ZNF516: variants seen among roughly 807,000 people sequenced by gnomAD.
The protein encoded by ZNF516 is zinc finger protein 516.
Under a neutral mutation model 79.7 loss-of-function variants are expected in ZNF516, and 19 were observed. The observed-to-expected ratio is 0.24, with a 90% confidence interval of 0.17 to 0.35. The LOEUF is 0.35. Ranked by LOEUF, ZNF516 falls within the 10% of genes least tolerant of loss-of-function variation. The pLI, the probability that ZNF516 is intolerant of heterozygous loss-of-function variation, is 1.00. For missense variants in ZNF516, 1,678 were observed against 1,679.5 expected (o/e 1.00, Z 0.02); for synonymous variants, 877 against 739.5 (o/e 1.19, Z -3.02).
chr18:76,496,302 TCTC>T (rs1366418795), upstream of ZNF516: 2 of 1,288,804 alleles, frequency 1.6e-6, no homozygotes, highest in African/African-American at 1.5e-5. Context: ...TTGTTCTCCT[TCTC>T]CTCGTGATAA....
chr18:76,391,837 G>A (rs563650508), intron 3 of ZNF516, among the ~76,000 whole-genome samples: 1 of 152,250 alleles, frequency 6.6e-6, no homozygotes, highest in Non-Finnish European at 1.5e-5. Flanking sequence ...TAAGGCTGTT[G>A]TCTCAGCCTC....
chr18:76,462,482 G>C (rs191531222), intron 2 of ZNF516, among the ~76,000 whole-genome samples: 63 of 152,312 alleles, frequency 4.1e-4, no homozygotes, highest in African/African-American at 1.5e-3. Context: ...AGACCTGCCT[G>C]GTAACAACCG....
intron 1 of ZNF516, among the ~76,000 whole-genome samples, chr18:76,476,919 A>G (rs1434956129): frequency 6.6e-6 from 1 of 152,182 alleles, no homozygotes; most frequent in Non-Finnish European, 1.5e-5. Context: ...GAACCCACAG[A>G]TGAAATTGCA....
At chr18:76,491,752 C>G (rs1915239697) in intron 1 of ZNF516, 1 of 152,270 alleles carries the variant, frequency 6.6e-6, no homozygotes, top group Admixed American at 6.6e-5. Flanking sequence ...CCCCCGGCCC[C>G]TGGCCGCGCG....
chr18:76,495,803 C>T (rs1915460618), upstream of ZNF516: 5 of 1,083,026 alleles, frequency 4.6e-6, 1 homozygote, highest in South Asian at 9.1e-5. Context: ...GTGCATTACA[C>T]ACGGCGTAGC....
intron 3 of ZNF516, among the ~76,000 whole-genome samples, chr18:76,417,137 A>G (rs1240828252): frequency 1.3e-5 from 2 of 152,222 alleles, no homozygotes; most frequent in Non-Finnish European, 2.9e-5. Flanking sequence ...GGTCTCAGTG[A>G]GATGCCTTTG....
At position 76,385,494 on chromosome 18, in the gene ZNF516, A is replaced by G. The variant is rs1297476389; in HGVS notation, c.1811-5191T>C. On this transcript the variant is annotated intron_variant, in intron 3 of 6. Transcript: ENST00000443185. Reference sequence around the variant, plus strand: ...TACTGTAGTAAAATATACATAACAAAAAAGTCTGCAGCCACGCAGCCACGC... The same window carrying G: ...TACTGTAGTAAAATATACATAACAAGAAAGTCTGCAGCCACGCAGCCACGC... 3.3e-5 allele frequency: 5 copies of G among 152,178 alleles called. No homozygotes were observed. The East Asian group carries it at 9.6e-4, about 29-fold the overall frequency. The allele number at this position is 152,178 out of a possible 1,614,324, so 9.4% of individuals were successfully genotyped here.
chr18:76,392,501 CAGGTGGGAAGGT>C (rs1315769422), intron 3 of ZNF516, among the ~76,000 whole-genome samples: 1 of 134,456 alleles, frequency 7.4e-6, no homozygotes, highest in African/African-American at 3.0e-5. Context: ...GCTGGGAAGG[CAGGTGGGAAGGT>C]AGGTGGCCAG....
At chr18:76,425,685 G>A (rs961532817) in intron 3 of ZNF516, among the ~76,000 whole-genome samples, 4 of 152,198 alleles carry the variant, frequency 2.6e-5, no homozygotes, top group African/African-American at 9.7e-5. Flanking sequence ...CCCCGTGGTC[G>A]GAGCTGTGTC....
intron 3 of ZNF516, among the ~76,000 whole-genome samples, chr18:76,402,008 CGTTT>C (rs769215438): frequency 4.0e-5 from 6 of 149,074 alleles, no homozygotes; most frequent in Admixed American, 6.6e-5. Context: ...CGTGTGTACA[CGTTT>C]GTGTGTACAC....
At chr18:76,478,075 G>T (rs1273054355) in intron 1 of ZNF516, among the ~76,000 whole-genome samples, 1 of 151,868 alleles carries the variant, frequency 6.6e-6, no homozygotes, top group Non-Finnish European at 1.5e-5. Context: ...AACTTAAAGT[G>T]TTTTTGTAAA....
chr18:76,469,075 A>T (rs689834), intron 1 of ZNF516, among the ~76,000 whole-genome samples: 151,598 of 152,352 alleles, frequency 1, 75,431 homozygotes, highest in Non-Finnish European at 1. Context: ...ATAGTTTTGG[A>T]TTTTGTAATG....
At chr18:76,370,652 T>A in intron 5 of ZNF516, 57 bp from the exon 6 acceptor site, 1 of 1,443,816 alleles carries the variant, frequency 6.9e-7, no homozygotes, top group Non-Finnish European at 9.4e-7. Flanking sequence ...GACGTGCACA[T>A]TAAATGAGTC....
chr18:76,403,833 C>T (rs953698464), intron 3 of ZNF516, among the ~76,000 whole-genome samples: 1 of 152,190 alleles, frequency 6.6e-6, no homozygotes, highest in African/African-American at 2.4e-5. Flanking sequence ...CACATCAAAA[C>T]TAAAAGATGC....
At chr18:76,439,743 T>C (rs1015145598) in intron 3 of ZNF516, among the ~76,000 whole-genome samples, 1 of 152,140 alleles carries the variant, frequency 6.6e-6, no homozygotes, top group South Asian at 2.1e-4. Flanking sequence ...ATTAAGAATA[T>C]TTCTCTTAAA....
chr18:76,464,768 A>C (rs1441066966), intron 1 of ZNF516, among the ~76,000 whole-genome samples: 1 of 151,052 alleles, frequency 6.6e-6, no homozygotes, highest in African/African-American at 2.4e-5. Context: ...CCTCTCTGGC[A>C]CCCCAGCCTG....
chr18:76,471,396 A>T (rs1913830251), intron 1 of ZNF516, among the ~76,000 whole-genome samples: 1 of 152,132 alleles, frequency 6.6e-6, no homozygotes, highest in Non-Finnish European at 1.5e-5. Context: ...ACACGGACTG[A>T]TTCCTGGGCC....
At chr18:76,392,430 T>C (rs2075086675) in intron 3 of ZNF516, among the ~76,000 whole-genome samples, 2 of 151,874 alleles carry the variant, frequency 1.3e-5, no homozygotes, top group South Asian at 2.1e-4. Flanking sequence ...ACCCAGGAAG[T>C]AGCGCAGCCT....
chr18:76,423,567 G>C (rs1178703967), intron 3 of ZNF516, among the ~76,000 whole-genome samples: 6 of 141,332 alleles, frequency 4.2e-5, no homozygotes, highest in Non-Finnish European at 7.6e-5. Context: ...AGGTGAAAAG[G>C]CTCCCCCGAA....
Sources: gnomAD v4.1 joint callset for allele counts (sites outside exome capture counted in the v4.1 genomes callset) on GRCh38, gnomAD v4.1.1 for gene constraint, MANE v1.5 for transcripts, NCBI Gene and HGNC (gene_info 2026-07-23, HGNC 2026-07-21) for gene names.